COG6: variants seen among roughly 807,000 people sequenced by gnomAD.
COG6 encodes the protein conserved oligomeric Golgi complex subunit 6.
In COG6, 74 loss-of-function variants were observed where a neutral mutation model predicts 88.8. The observed-to-expected ratio is 0.83, with a 90% confidence interval of 0.69 to 1.01. The LOEUF is 1.01. COG6 is among the 50% of genes least tolerant of loss of function. COG6 has a pLI of 0.00. For missense variants in COG6, 800 were observed against 797.9 expected (o/e 1.00, Z -0.03); for synonymous variants, 286 against 278.7 (o/e 1.03, Z -0.26).
At position 39,679,559 on chromosome 13, in the gene COG6, A is replaced by G. The variant is rs1453016701; in HGVS notation, c.562A>G (p.Arg188Gly). ...ITEDFFKALG[R>G]VKQIHNDVKV... is the part of the protein sequence containing the mutation. ...AAAGGATTTTTTCAAGGCACTGGGA[A>G]GAGTAAAACAGATTCATAATGATGT... The change falls in exon 6 of 19, where the codon AGA (arginine) becomes GGA (glycine). Residue 188 changes from arginine to glycine, a missense_variant. Physicochemically the swap from Arg to Gly is moderately radical, Grantham distance 125. Coordinates refer to ENST00000455146, the MANE Select transcript of COG6 (RefSeq NM_020751.3). 9 of 1,597,392 alleles carry G rather than the reference A, an allele frequency of 5.6e-6. No homozygotes were observed. The highest frequency in any genetic ancestry group is 7.7e-6 in the Non-Finnish European group (9 of 1,164,974).
intron 18 of COG6, among the ~76,000 whole-genome samples, chr13:39,769,252 G>C (rs1336912715): frequency 6.6e-6 from 1 of 152,192 alleles, no homozygotes; most frequent in Admixed American, 6.5e-5. Flanking sequence ...GAAATTCCTA[G>C]GTTACAGAAT....
chr13:39,744,694 A>T (rs1191122939), intron 18 of COG6, among the ~76,000 whole-genome samples: 1 of 152,184 alleles, frequency 6.6e-6, no homozygotes, highest in Non-Finnish European at 1.5e-5. Flanking sequence ...GATAATTTGG[A>T]GATTCAATGC....
At position 39,659,434 on chromosome 13, in the gene COG6, T is replaced by C; in HGVS notation, c.224T>C (p.Leu75Ser). The C allele has an allele frequency of 6.2e-7, 1 of 1,613,714 alleles. No homozygotes were observed. The highest frequency in any genetic ancestry group is 8.5e-7 in the Non-Finnish European group (1 of 1,179,770). ...VENSLRTRRN[L>S]RGDIERKSLA... Reference sequence around the variant, plus strand: ...AATAGTCTGCGGACTCGAAGAAATTTACGTGGAGATATTGAACGTAAAAGT... The same window carrying C: ...AATAGTCTGCGGACTCGAAGAAATTCACGTGGAGATATTGAACGTAAAAGT... Residue 75 changes from leucine (L) to serine (S), a missense_variant, in exon 2 of 19, where the codon TTA becomes TCA. Transcript: ENST00000455146.
chr13:39,699,701 C>A, intron 13 of COG6, 83 bp downstream of exon 13: 1 of 752,510 alleles, frequency 1.3e-6, no homozygotes, highest in Non-Finnish European at 2.4e-6. Context: ...TGATTGATAA[C>A]TTTTCCCATT....
intron 12 of COG6, among the ~76,000 whole-genome samples, chr13:39,698,199 AATGT>A (rs1877383015): frequency 1.3e-5 from 2 of 151,842 alleles, no homozygotes; most frequent in Admixed American, 1.3e-4. Flanking sequence ...AATGAATGTA[AATGT>A]ATGTTGAGTT....
downstream of COG6, among the ~76,000 whole-genome samples, chr13:39,756,496 G>C (rs1880839150): frequency 6.6e-6 from 1 of 152,084 alleles, no homozygotes; most frequent in African/African-American, 2.4e-5. Context: ...CTAGAAATTT[G>C]GTGTAAAACA....
At chr13:39,725,478 C>T (rs1409885130) in intron 17 of COG6, among the ~76,000 whole-genome samples, 1 of 151,816 alleles carries the variant, frequency 6.6e-6, no homozygotes, top group East Asian at 1.9e-4. Flanking sequence ...ATTTTTGATG[C>T]CAAGGCTTTC....
At chr13:39,756,090 T>G (rs1422136748), downstream of COG6, among the ~76,000 whole-genome samples, 1 of 152,138 alleles carries the variant, frequency 6.6e-6, no homozygotes, top group East Asian at 1.9e-4. Context: ...TCTGAAGAAC[T>G]AAAGTATGAG....
chr13:39,756,694 CTG>C (rs1361912051), downstream of COG6, among the ~76,000 whole-genome samples: 4 of 151,608 alleles, frequency 2.6e-5, no homozygotes, highest in South Asian at 2.1e-4. Context: ...TCATCAGAAA[CTG>C]TAGAAACCAA....
intron 18 of COG6, among the ~76,000 whole-genome samples, chr13:39,731,206 T>C (rs1000442136): frequency 1.3e-5 from 2 of 152,168 alleles, no homozygotes; most frequent in African/African-American, 2.4e-5. Context: ...ATCTTCATAG[T>C]TGCAATACCT....
intron 13 of COG6, among the ~76,000 whole-genome samples, chr13:39,707,103 A>G (rs1466427254): frequency 6.6e-6 from 1 of 152,052 alleles, no homozygotes; most frequent in South Asian, 2.1e-4. Context: ...GTACAATAAT[A>G]TAAAGAAGAA....
intron 13 of COG6, among the ~76,000 whole-genome samples, chr13:39,707,286 A>G (rs1877993101): frequency 6.6e-6 from 1 of 150,834 alleles, no homozygotes; most frequent in Non-Finnish European, 1.5e-5. Context: ...GCACCACCAC[A>G]CCCAGCTAAT....
At chr13:39,706,255 T>TTTTATATA (rs1555278574) in intron 13 of COG6, among the ~76,000 whole-genome samples, 2 of 114,672 alleles carry the variant, frequency 1.7e-5, no homozygotes, top group East Asian at 2.5e-4. Context: ...ATATACTCCT[T>TTTTATATA]TATATATATA....
intron 18 of COG6, among the ~76,000 whole-genome samples, chr13:39,767,761 C>G (rs1281957020): frequency 2.0e-5 from 3 of 152,200 alleles, no homozygotes; most frequent in Non-Finnish European, 2.9e-5. Flanking sequence ...CCAACAGCCT[C>G]AACTCCAGCT....
chr13:39,759,823 G>A (rs1880956967), intron 18 of COG6, among the ~76,000 whole-genome samples: 1 of 152,094 alleles, frequency 6.6e-6, no homozygotes, highest in Non-Finnish European at 1.5e-5. Flanking sequence ...AATTTAATAA[G>A]TAAAAATAAA....
intron 18 of COG6, among the ~76,000 whole-genome samples, chr13:39,765,021 C>T (rs73179574): frequency 0.049 from 7,517 of 152,086 alleles, 248 homozygotes; most frequent in Non-Finnish European, 0.068. Flanking sequence ...TATGTTTTTA[C>T]GCTATTTCTA....
intron 18 of COG6, among the ~76,000 whole-genome samples, chr13:39,765,712 T>A (rs1022740389): frequency 6.6e-6 from 1 of 152,208 alleles, no homozygotes; most frequent in Non-Finnish European, 1.5e-5. Flanking sequence ...TTAAAAATTA[T>A]TCATAATCTG....
At chr13:39,660,231 C>G (rs560955446) in intron 2 of COG6, among the ~76,000 whole-genome samples, 1 of 152,032 alleles carries the variant, frequency 6.6e-6, no homozygotes, top group Non-Finnish European at 1.5e-5. Context: ...GTTGCCTGGG[C>G]TGGAGTGTAG....
At chr13:39,757,461 CAG>C (rs1188128128), downstream of COG6, among the ~76,000 whole-genome samples, 9 of 151,290 alleles carry the variant, frequency 5.9e-5, no homozygotes, top group Non-Finnish European at 1.2e-4. Flanking sequence ...AAGATTATAA[CAG>C]AGACAAAGAA....
Sources: allele counts gnomAD v4.1 joint callset (sites outside exome capture counted in the v4.1 genomes callset), GRCh38; gene constraint gnomAD v4.1.1; transcripts MANE v1.5; gene names NCBI Gene and HGNC (gene_info 2026-07-23, HGNC 2026-07-21).